The following GAS6 variants were observed in gnomAD, a reference collection of about 807,000 sequenced individuals.
GAS6 encodes growth arrest specific 6.
GAS6 carries 41 observed loss-of-function variants against 75.8 expected under a neutral mutation model. The observed-to-expected ratio is 0.54, with a 90% CI of 0.42 to 0.70. GAS6 has a LOEUF of 0.70. Ranked by LOEUF, GAS6 falls within the 30% of genes least tolerant of loss-of-function variation. The probability of loss-of-function intolerance (pLI) is 0.00; values close to 1 mark genes in which losing one functional copy is unlikely to be tolerated. For synonymous variants in GAS6, 432 were observed against 412.6 expected, an observed-to-expected ratio of 1.05 and a Z score of -0.57; for missense variants, 854 against 940.2, an observed-to-expected ratio of 0.91 and a Z score of 1.20.
chr13:113,847,210 A>G (rs115134363), intron 3 of GAS6: 4,953 of 281,246 alleles, frequency 0.018, 270 homozygotes, highest in African/African-American at 0.11. Flanking sequence ...GGCCTCCTGC[A>G]GGTGTGCTGT....
At chr13:113,829,100 G>C (rs2051592557) in intron 10 of GAS6, among the ~76,000 whole-genome samples, 1 of 91,294 alleles carries the variant, frequency 1.1e-5, no homozygotes, top group Admixed American at 1.1e-4. Context: ...CGATCTCAGG[G>C]AGGCCACCTG....
At chr13:113,824,311 CA>C (rs2051504864) in intron 12 of GAS6, among the ~76,000 whole-genome samples, 3 of 142,096 alleles carry the variant, frequency 2.1e-5, no homozygotes, top group African/African-American at 8.0e-5. Flanking sequence ...TCTGAGCTGT[CA>C]GGAGCACCCG....
chr13:113,849,852 A>G (rs2138658067), intron 2 of GAS6, among the ~76,000 whole-genome samples: 1 of 152,352 alleles, frequency 6.6e-6, no homozygotes, highest in African/African-American at 2.4e-5. Context: ...ACAGTAATGG[A>G]GGCAGAAAGC....
In GAS6 at chr13:113,845,224, G is replaced by A. The variant is rs1333878233; in HGVS notation, c.343+1303C>T. 6.6e-6 allele frequency: 1 copy of A among 150,380 alleles called. No homozygotes were observed. The highest frequency in any genetic ancestry group is 1.5e-5 in the Non-Finnish European group (1 of 68,054). 9.3% of individuals were successfully genotyped at this position (150,380 alleles called of 1,614,324 possible). The stretch of plus-strand genomic sequence containing the variant: ...TCCTCTGCCTGTGTCTCTTGGGCTG[G>A]GGTCTGTGATACAAGTCCGGGAGGC... On this transcript the variant is annotated intron_variant, in intron 4 of 14. Coordinates refer to ENST00000327773, the MANE Select transcript of GAS6 (RefSeq NM_000820.4). This position sits in a 1 kb window ranked among gnomAD's most constrained non-coding sequence, Gnocchi z 4.3.
At chr13:113,834,789 A>AT in intron 7 of GAS6, 117 bp from the exon 8 acceptor site, 1 of 1,177,272 alleles carries the variant, frequency 8.5e-7, no homozygotes, top group Admixed American at 3.0e-5. Context: ...TTACATGCAG[A>AT]TTCTAACGGG....
At chr13:113,856,457 G>A (rs1370884384) in intron 2 of GAS6, among the ~76,000 whole-genome samples, 1 of 152,158 alleles carries the variant, frequency 6.6e-6, no homozygotes, top group Non-Finnish European at 1.5e-5. Context: ...TCATGAGGAT[G>A]TAACAACTTC....
At position 113,863,535 on chromosome 13, in the gene GAS6, C is replaced by G; in HGVS notation, c.255+40G>C. The stretch of plus-strand genomic sequence containing the variant: ...TCGGGAGCGGTTGGAGGCGCGCGGG[C>G]GCCAGGGGTTCCCCCGCATCCCGCC... On this transcript the variant is annotated intron_variant, in intron 2 of 14. Transcript: ENST00000327773. This position sits in a 1 kb window ranked among gnomAD's most constrained non-coding sequence, Gnocchi z 9.4. The G allele has an allele frequency of 6.7e-7, 1 of 1,482,932 alleles. No homozygotes were observed. The highest frequency in any genetic ancestry group is 8.9e-7 in the Non-Finnish European group (1 of 1,122,822). The allele number at this position is 1,482,932 out of a possible 1,614,324, so 91.9% of individuals were successfully genotyped here.
At chr13:113,859,165 T>C (rs2051947185) in intron 2 of GAS6, among the ~76,000 whole-genome samples, 1 of 151,988 alleles carries the variant, frequency 6.6e-6, no homozygotes, top group African/African-American at 2.4e-5. Flanking sequence ...TATGTGTACA[T>C]GTCTGCTAGT....
At chr13:113,854,369 C>T (rs1210208951) in intron 2 of GAS6, among the ~76,000 whole-genome samples, 4 of 152,264 alleles carry the variant, frequency 2.6e-5, no homozygotes, top group East Asian at 1.9e-4. Flanking sequence ...CAGAGGAGCT[C>T]GAGTGGCTTC....
In GAS6 at chr13:113,848,495, T is replaced by C. The variant is rs2051850580; in HGVS notation, c.256-445A>G. On this transcript the variant is annotated intron_variant, in intron 2 of 14. Transcript: ENST00000327773. The surrounding 1 kb of genome is among the most constrained non-coding windows in gnomAD (Gnocchi z 4.8). Reference sequence around the variant, plus strand: ...TACTGGGTGAGGATGGAGGCTGTAATGAAGGGTCTTCTTATCCATGAAAGC... The same window carrying C: ...TACTGGGTGAGGATGGAGGCTGTAACGAAGGGTCTTCTTATCCATGAAAGC... Among the ~76,000 whole-genome samples the C allele has an allele frequency of 6.6e-6, 1 of 152,182 alleles. No homozygotes were observed.
chr13:113,863,858 C>T lies in GAS6; in HGVS notation c.63G>A (p.Leu21=). The T allele has an allele frequency of 8.0e-7, 1 of 1,255,518 alleles. No homozygotes were observed. Among genetic ancestry groups the T allele is most frequent in the East Asian group, 3.3e-5 (1 of 30,244 alleles). The allele number at this position is 1,255,518 out of a possible 1,614,324, so 77.8% of individuals were successfully genotyped here. The change falls in exon 1 of 15, where the codon CTG becomes CTA. Residue 21 remains leucine, a synonymous_variant. Transcript: ENST00000327773. The surrounding 1 kb of genome is among the most constrained non-coding windows in gnomAD (Gnocchi z 9.4). ...CAAGCGCGCACTCCGCGGCCAGCAG[C>T]AGCAGCAGCAGCTGCGGCGCGCGGC... ...ALRRAPQLLL[L]LLAAECALAA...
chr13:113,831,652 C>T (rs2051631750), intron 10 of GAS6, among the ~76,000 whole-genome samples: 1 of 152,122 alleles, frequency 6.6e-6, no homozygotes, highest in South Asian at 2.1e-4. Context: ...CTCAAGGCCC[C>T]TTTCTGAGGG....
At chr13:113,835,874 A>G in intron 6 of GAS6, 3 of 1,237,010 alleles carry the variant, frequency 2.4e-6, no homozygotes, top group Non-Finnish European at 3.1e-6. Context: ...CAGCAGGTGG[A>G]GAGCTGGGAA....
chr13:113,824,103 T>C (rs1259855942), intron 12 of GAS6, among the ~76,000 whole-genome samples: 1,249 of 110,806 alleles, frequency 0.011, 18 homozygotes, highest in African/African-American at 0.053. Context: ...GCACCCGCGG[T>C]CTGAGTTCTG....
rs2051826714 is a variant in GAS6, at chr13:113,845,491, C to G, written c.343+1036G>C. On this transcript the variant is annotated intron_variant, in intron 4 of 14. Transcript: ENST00000327773. The surrounding 1 kb of genome is among the most constrained non-coding windows in gnomAD (Gnocchi z 4.3). The stretch of plus-strand genomic sequence containing the variant: ...GACCACAGACCCAGTGCAAGGGGAG[C>G]TGTGTGGGTTGTGCTGAAGGTATGT... The G allele has an allele frequency of 6.7e-6, 1 of 150,174 alleles. No individual in the cohort carries two copies. Among genetic ancestry groups the G allele is most frequent in the African/African-American group, 2.5e-5 (1 of 39,704 alleles). 9.3% of individuals were successfully genotyped at this position (150,174 alleles called of 1,614,324 possible).
At position 113,827,055 on chromosome 13, in the gene GAS6, A is replaced by G. The variant is rs1375238293; in HGVS notation, c.1418T>C (p.Val473Ala). 3 of 1,613,428 alleles carry G rather than the reference A, an allele frequency of 1.9e-6. No individual in the cohort carries two copies. The highest frequency in any genetic ancestry group is 2.5e-6 in the Non-Finnish European group (3 of 1,179,990). Residue 473 changes from valine to alanine, a missense_variant, in exon 12 of 15, where the codon GTG becomes GCG. By Grantham distance (64) the Val-to-Ala change is moderately conservative. Transcript: ENST00000327773. ...KVNTRMQCFSVTERGSFYPGS... is the reference protein window; with the variant it reads ...KVNTRMQCFSATERGSFYPGS... ...GGGGTAGAAAGAGCCTCTCTCCGTC[A>G]CCGAGAAGCACTGCATCCTCGTGTT...
chr13:113,858,955 CATGTCTGTGTGACTG>C (rs2051943475), intron 2 of GAS6, among the ~76,000 whole-genome samples: 2 of 142,688 alleles, frequency 1.4e-5, no homozygotes, highest in Non-Finnish European at 1.5e-5. Context: ...CATGTGTGTA[CATGTCTGTGTGACTG>C]TATGTCTATA....
At chr13:113,859,078 ATG>A (rs1197662363) in intron 2 of GAS6, among the ~76,000 whole-genome samples, 1 of 144,330 alleles carries the variant, frequency 6.9e-6, no homozygotes, top group Non-Finnish European at 1.5e-5. Flanking sequence ...GTCTATGTGA[ATG>A]TGTGCATGTA....
intron 8 of GAS6, chr13:113,833,695 T>C (rs914670669): frequency 2.0e-6 from 2 of 991,958 alleles, no homozygotes; most frequent in East Asian, 1.2e-4. Context: ...GACAAGTCAG[T>C]GTGACAGGCA....
Sources: gnomAD v4.1 joint callset for allele counts (sites outside exome capture counted in the v4.1 genomes callset) on GRCh38, gnomAD v4.1.1 for gene constraint, Gnocchi (gnomAD v3.1) non-coding constraint, MANE v1.5 for transcripts, NCBI Gene and HGNC (gene_info 2026-07-23, HGNC 2026-07-21) for gene names.